IRAK1BP1: variants seen among roughly 807,000 people sequenced by gnomAD.
IRAK1BP1 encodes interleukin 1 receptor associated kinase 1 binding protein 1, also known as interleukin-1 receptor-associated kinase 1-binding protein 1.
Under a neutral mutation model 28.0 loss-of-function variants are expected in IRAK1BP1, and 24 were observed. That is an observed-to-expected ratio of 0.86 (90% CI 0.62 to 1.20). IRAK1BP1 has a LOEUF of 1.20. IRAK1BP1 is among the 50% of genes most tolerant of loss of function. IRAK1BP1 has a pLI of 0.00. For missense variants in IRAK1BP1, 336 were observed against 316.7 expected, an observed-to-expected ratio of 1.06 and a Z score of -0.46; for synonymous variants, 131 against 116.3, an observed-to-expected ratio of 1.13 and a Z score of -0.81.
rs746095439 is a variant in IRAK1BP1, at chr6:78,901,961, T to G, written c.*3627T>G. On this transcript the variant is annotated 3_prime_UTR_variant, in exon 4 of 4. Transcript: ENST00000369940. The stretch of plus-strand genomic sequence containing the variant: ...TAAGAATTTAATAGTAAGGAGTTCT[T>G]ATAGCCTATAAAAAGCATGAATTAT... The G allele has an allele frequency of 1.6e-4, 25 of 152,182 alleles. No individual in the cohort carries two copies. Among genetic ancestry groups the G allele is most frequent in the Non-Finnish European group, 1.5e-5 (1 of 68,030 alleles). The allele number at this position is 152,182 out of a possible 1,614,324, so 9.4% of individuals were successfully genotyped here.
chr6:78,964,183 A>G, the IRAK1BP1 span, among the ~76,000 whole-genome samples: 6 of 152,194 alleles, frequency 3.9e-5, no homozygotes, highest in Non-Finnish European at 8.8e-5. Context: ...TTGATTTAAG[A>G]TATTTTATAA....
chr6:78,940,783 G>A (rs147929895), intron 4 of IRAK1BP1: 89 of 1,613,560 alleles, frequency 5.5e-5, no homozygotes, highest in Non-Finnish European at 7.0e-5. Flanking sequence ...AGGTGTCTTC[G>A]AACAACAGCT....
chr6:78,925,071 G>GA lies in IRAK1BP1; in HGVS notation c.*68-20331dup, dbSNP rs199647208. ...CATTCTCAGTGAACTATGGCAAGGA[G>GA]AAAAAACCAAACACGCACGTTCTCA... On this transcript the variant is annotated intron_variant and NMD_transcript_variant, in intron 4 of 4. Transcript: ENST00000606868. Among the ~76,000 whole-genome samples, 461 of 150,984 alleles carry GA rather than the reference G, an allele frequency of 3.1e-3. 2 individuals are homozygous for GA. Among genetic ancestry groups the GA allele is most frequent in the African/African-American group, 8.6e-3 (354 of 41,104 alleles).
At chr6:78,964,403 T>C in the IRAK1BP1 span, among the ~76,000 whole-genome samples, 1 of 152,192 alleles carries the variant, frequency 6.6e-6, no homozygotes. Flanking sequence ...ACTCAATTAA[T>C]AAAAGATTAT....
At chr6:78,904,140 T>C (rs1490180665), downstream of IRAK1BP1, among the ~76,000 whole-genome samples, 2 of 152,212 alleles carry the variant, frequency 1.3e-5, no homozygotes, top group African/African-American at 4.8e-5. Flanking sequence ...GCAGGACACA[T>C]ATTCAAACTG....
chr6:78,946,345 T>C (rs371480954), exon 5 of IRAK1BP1: 3 of 1,444,976 alleles, frequency 2.1e-6, no homozygotes. Flanking sequence ...GATTCAATAT[T>C]TGTACTATTA....
At chr6:78,949,134 G>T (rs1773995003), downstream of IRAK1BP1, among the ~76,000 whole-genome samples, 1 of 152,092 alleles carries the variant, frequency 6.6e-6, no homozygotes. Context: ...ACTTTTTATA[G>T]ATGTACTTTA....
At chr6:78,946,690 T>C, downstream of IRAK1BP1, 1 of 1,529,322 alleles carries the variant, frequency 6.5e-7, no homozygotes. Flanking sequence ...CAGCTAGTGG[T>C]ATTTAAAAGA....
rs1773772829 is a variant in IRAK1BP1 at position 78,945,657 on chromosome 6, C to G, written c.*317C>G. The G allele has an allele frequency of 1.1e-5, 7 of 634,898 alleles. No individual in the cohort carries two copies. The Admixed American group carries it at 1.7e-4, about 15-fold the overall frequency. 39.3% of individuals were successfully genotyped at this position (634,898 alleles called of 1,614,324 possible). A position where few individuals can be genotyped will look rare whatever the true frequency, so the allele number is the denominator to read the frequency against. On this transcript the variant is annotated 3_prime_UTR_variant and NMD_transcript_variant, in exon 5 of 5. Transcript: ENST00000606868. Reference sequence around the variant, plus strand: ...CTTTCTAATAGGAAAAAGGCGTATCCAACTAGAAACTCTTAATAGTTTCAG... The same window carrying G: ...CTTTCTAATAGGAAAAAGGCGTATCGAACTAGAAACTCTTAATAGTTTCAG...
the IRAK1BP1 span, among the ~76,000 whole-genome samples, chr6:78,969,345 A>G: frequency 6.6e-6 from 1 of 152,214 alleles, no homozygotes; most frequent in Admixed American, 6.5e-5. Context: ...AACTACTCTC[A>G]TAAGTGGCAC....
chr6:78,972,549 A>C, the IRAK1BP1 span, among the ~76,000 whole-genome samples: 1 of 152,190 alleles, frequency 6.6e-6, no homozygotes, highest in Non-Finnish European at 1.5e-5. Context: ...ATGAGCTGAG[A>C]GAAGAAGGCT....
intron 4 of IRAK1BP1, among the ~76,000 whole-genome samples, chr6:78,943,988 TTTAAAAAAAAAAAAA>T (rs1318946677): frequency 4.1e-5 from 1 of 24,348 alleles, no homozygotes; most frequent in East Asian, 3.4e-3. Context: ...CCTGTCTTTT[TTTAAAAAAAAAAAAA>T]AAAAAAAAAA....
At chr6:78,933,076 A>C (rs1266556823) in intron 4 of IRAK1BP1, among the ~76,000 whole-genome samples, 7 of 152,094 alleles carry the variant, frequency 4.6e-5, no homozygotes, top group South Asian at 4.2e-4. Context: ...AATGGTAAAG[A>C]AGCACTGGCT....
intron 4 of IRAK1BP1, among the ~76,000 whole-genome samples, chr6:78,934,426 T>C (rs1773186641): frequency 6.6e-6 from 1 of 152,254 alleles, no homozygotes; most frequent in Non-Finnish European, 1.5e-5. Context: ...AAATAAAGTG[T>C]GCCTGTACTT....
rs1250086887 is a variant in IRAK1BP1 at position 78,867,773 on chromosome 6, A to C, written c.197A>C (p.Asp66Ala). The C allele has an allele frequency of 6.2e-6, 10 of 1,613,920 alleles. No individual in the cohort carries two copies. The highest frequency in any genetic ancestry group is 8.5e-6 in the Non-Finnish European group (10 of 1,179,980). Residue 66 changes from aspartate (D) to alanine (A), a missense_variant, in exon 1 of 4, where the codon GAC becomes GCC. Transcript: ENST00000369940. ...ACCTCAGAAGTGTCTGCGGGCCCTG[A>C]CCGGGCGCAGGTGGTGGTGCGAGTG... is the stretch of plus-strand genomic sequence containing the variant. The part of the protein sequence containing the change: ...SGTSEVSAGP[D>A]RAQVVVRVSS...
At chr6:78,976,768 T>A in the IRAK1BP1 span, among the ~76,000 whole-genome samples, 1 of 145,050 alleles carries the variant, frequency 6.9e-6, no homozygotes, top group Non-Finnish European at 1.5e-5. Context: ...AAAAAACACA[T>A]GAAAAAATGC....
the IRAK1BP1 span, among the ~76,000 whole-genome samples, chr6:78,960,582 A>G: frequency 2.0e-5 from 3 of 152,104 alleles, no homozygotes; most frequent in East Asian, 3.8e-4. Flanking sequence ...TTTTTGACAA[A>G]TATCAAGGAA....
intron 2 of IRAK1BP1, among the ~76,000 whole-genome samples, chr6:78,887,735 A>G (rs1353431405): frequency 6.6e-6 from 1 of 151,954 alleles, no homozygotes; most frequent in East Asian, 1.9e-4. Context: ...AAAAATTAGA[A>G]CCCTTGTGCC....
chr6:78,871,566 T>C, intron 1 of IRAK1BP1: 1 of 980,720 alleles, frequency 1.0e-6, no homozygotes, highest in Non-Finnish European at 1.2e-6. Flanking sequence ...GGACTAAATG[T>C]TTGTTTCCCC....
Sources: gnomAD v4.1 joint callset for allele counts (sites outside exome capture counted in the v4.1 genomes callset) on GRCh38, gnomAD v4.1.1 for gene constraint, MANE v1.5 for transcripts, NCBI Gene and HGNC (gene_info 2026-07-23, HGNC 2026-07-21) for gene names.